The following DNAJC17 variants were observed in gnomAD, a reference collection of about 807,000 sequenced individuals.
DNAJC17 encodes DnaJ heat shock protein family (Hsp40) member C17, also known as dnaJ homolog subfamily C member 17.
A neutral mutation model predicts 48.1 loss-of-function variants in DNAJC17; 35 were observed. The ratio of observed to expected loss-of-function variants is 0.73; its 90% CI spans 0.56 to 0.96. The LOEUF is 0.96. Ranked by LOEUF, DNAJC17 falls within the 50% of genes least tolerant of loss-of-function variation. The probability of loss-of-function intolerance (pLI) is 0.00; values close to 1 mark genes in which losing one functional copy is unlikely to be tolerated. For synonymous variants in DNAJC17, 117 were observed against 142.7 expected, an observed-to-expected ratio of 0.82 and a Z score of 1.28; for missense variants, 355 against 377.1, an observed-to-expected ratio of 0.94 and a Z score of 0.48.
In DNAJC17 at chr15:40,769,736, GC is replaced by G. The variant is rs11316777; in HGVS notation, c.793-1675del. On this transcript the variant is annotated intron_variant, in intron 10 of 10. Coordinates refer to ENST00000220496, the MANE Select transcript of DNAJC17 (RefSeq NM_018163.3). This position sits in a 1 kb window ranked among gnomAD's most constrained non-coding sequence, Gnocchi z 4.2. ...AGACACTGTGGGCAGGGAGCCAGGC[GC>G]ACCTGCTGGGGGCCCAGGGTGGTGG... 0.025 allele frequency among the ~76,000 whole-genome samples: 3,772 copies of G among 152,270 alleles called. 151 individuals carry two copies. Among genetic ancestry groups the G allele is most frequent in the African/African-American group, 0.087 (3,612 of 41,536 alleles).
intron 1 of DNAJC17, among the ~76,000 whole-genome samples, chr15:40,796,187 T>C (rs1448647920): frequency 6.6e-6 from 1 of 152,212 alleles, no homozygotes; most frequent in Non-Finnish European, 1.5e-5. Context: ...ATTAAGCATC[T>C]ACCAAGGGCG....
intron 8 of DNAJC17, 144 bp downstream of exon 8, chr15:40,774,887 T>C: frequency 1.2e-6 from 1 of 824,304 alleles, no homozygotes; most frequent in Non-Finnish European, 1.9e-6. Flanking sequence ...GAGAAGTCTC[T>C]AAGACGTCCC....
chr15:40,805,656 C>T (rs886217571), intron 1 of DNAJC17, among the ~76,000 whole-genome samples: 2 of 151,400 alleles, frequency 1.3e-5, no homozygotes, highest in Admixed American at 6.6e-5. Flanking sequence ...CGGTGAAACC[C>T]CGTCTCTACT....
intron 4 of DNAJC17, among the ~76,000 whole-genome samples, chr15:40,778,792 C>T (rs371928045): frequency 2.6e-5 from 4 of 152,084 alleles, no homozygotes; most frequent in East Asian, 1.9e-4. Context: ...CAAAATTAGC[C>T]GGGCGTAGTG....
At chr15:40,776,726 C>T (rs1889338073) in intron 4 of DNAJC17, 99 bp from the exon 5 acceptor site, 13 of 1,188,206 alleles carry the variant, frequency 1.1e-5, no homozygotes, top group Admixed American at 8.7e-5. Flanking sequence ...GTCTCAATCA[C>T]GACGAGATCA....
At chr15:40,771,379 G>A (rs1889136367) in intron 10 of DNAJC17, 1 of 310,028 alleles carries the variant, frequency 3.2e-6, no homozygotes, top group Non-Finnish European at 6.4e-6. Flanking sequence ...GGCAGAGCCA[G>A]AAGGTGGCAC....
intron 1 of DNAJC17, 77 bp downstream of exon 1, chr15:40,807,292 C>A: frequency 6.2e-7 from 1 of 1,612,254 alleles, no homozygotes; most frequent in East Asian, 2.2e-5. Flanking sequence ...AGAGCGGATG[C>A]CAGCAGTGGC....
intron 7 of DNAJC17, 120 bp from the exon 8 acceptor site, chr15:40,775,228 C>G: frequency 9.1e-7 from 1 of 1,097,586 alleles, no homozygotes; most frequent in Non-Finnish European, 1.4e-6. Context: ...CTCCTGCAAT[C>G]TGGGGAGTGC....
At chr15:40,776,757 C>T in intron 4 of DNAJC17, 130 bp from the exon 5 acceptor site, 1 of 824,606 alleles carries the variant, frequency 1.2e-6, no homozygotes, top group Non-Finnish European at 2.0e-6. Flanking sequence ...CTGCCCCCTC[C>T]CTCCATGCCC....
In DNAJC17 at chr15:40,776,647, G is replaced by T; in HGVS notation, c.296-20C>A. ...CCAGGTCTAGACACAAGGGTTGAAT[G>T]ACCAGACTGCTGGTCTGTTCAGTTT... On this transcript the variant is annotated intron_variant, in intron 4 of 10. Coordinates refer to ENST00000220496, the MANE Select transcript of DNAJC17 (RefSeq NM_018163.3). The T allele has an allele frequency of 6.2e-7, 1 of 1,613,100 alleles. No individual in the cohort carries two copies. The highest frequency in any genetic ancestry group is 1.1e-5 in the South Asian group (1 of 91,010).
chr15:40,779,534 G>C lies in DNAJC17; in HGVS notation c.207+11C>G. The C allele has an allele frequency of 6.2e-7, 1 of 1,614,124 alleles. No homozygotes were observed. Among genetic ancestry groups the C allele is most frequent in the Non-Finnish European group, 8.5e-7 (1 of 1,180,000 alleles). On this transcript the variant is annotated intron_variant, in intron 3 of 10. Coordinates refer to ENST00000220496, the MANE Select transcript of DNAJC17 (RefSeq NM_018163.3). ...ATGGGGGACGATTCCGATGAAGGAG[G>C]CTGTGCTTACCCTGGCTGCAGCATC... is the stretch of plus-strand genomic sequence containing the variant.
rs1030506192 is a variant in DNAJC17, at chr15:40,767,119, G to A, written c.*821C>T. 3 of 1,207,394 alleles carry A rather than the reference G, an allele frequency of 2.5e-6. No homozygotes were observed. The highest frequency in any genetic ancestry group is 2.2e-5 in the South Asian group (1 of 45,896). 74.8% of individuals were successfully genotyped at this position (1,207,394 alleles called of 1,614,324 possible). A position where few individuals can be genotyped will look rare whatever the true frequency, so the allele number is the denominator to read the frequency against. ...CCAGCGCCCAGCAAGCAGCCAGCAAGTGTGAGTCACTACAAGAGTGGCCAG... is the reference window on the plus strand; with the variant it reads ...CCAGCGCCCAGCAAGCAGCCAGCAAATGTGAGTCACTACAAGAGTGGCCAG... On this transcript the variant is annotated 3_prime_UTR_variant, in exon 11 of 11. Coordinates refer to ENST00000220496, the MANE Select transcript of DNAJC17 (RefSeq NM_018163.3).
chr15:40,770,579 A>G lies in DNAJC17; in HGVS notation c.793-2517T>C. On this transcript the variant is annotated intron_variant, in intron 10 of 10. Transcript: ENST00000220496. This position sits in a 1 kb window ranked among gnomAD's most constrained non-coding sequence, Gnocchi z 5.0. ...TGGGGCGGCCACGGCGGCTCCGGCGACAGAGTAGTGTGCTTAGCCAGGCCA... is the reference window on the plus strand; with the variant it reads ...TGGGGCGGCCACGGCGGCTCCGGCGGCAGAGTAGTGTGCTTAGCCAGGCCA... The G allele has an allele frequency of 6.4e-7, 1 of 1,550,606 alleles. No individual in the cohort carries two copies. The highest frequency in any genetic ancestry group is 8.7e-7 in the Non-Finnish European group (1 of 1,146,954).
In DNAJC17 at chr15:40,779,997, C is replaced by T. The variant is rs1293090581; in HGVS notation, c.79G>A (p.Val27Ile). Residue 27 changes from valine to isoleucine, a missense_variant and splice_region_variant, in exon 2 of 11, where the codon GTA becomes ATA. Physicochemically the swap from Val to Ile is conservative, Grantham distance 29. Coordinates refer to ENST00000220496, the MANE Select transcript of DNAJC17 (RefSeq NM_018163.3). ...GCCTTCTGCCTATACGCCTTCTTTA[C>T]CTGGAAGAGTCAGACAGAAGACATG... ...GIEEKAADKE[V>I]KKAYRQKALS... The T allele has an allele frequency of 1.9e-6, 3 of 1,613,824 alleles. No individual in the cohort carries two copies.
chr15:40,766,185 A>G lies in DNAJC17; in HGVS notation c.*1755T>C, dbSNP rs965198292. ...GTCCGTTCCCTGGGTCTAGGACTCC[A>G]CTAGCAGACTGTTCCTTGCCCTGCC... is the stretch of plus-strand genomic sequence containing the variant. On this transcript the variant is annotated 3_prime_UTR_variant, in exon 11 of 11. Transcript: ENST00000220496. The G allele has an allele frequency of 1.7e-5, 5 of 292,974 alleles. No individual in the cohort carries two copies. The highest frequency in any genetic ancestry group is 3.2e-5 in the Non-Finnish European group (5 of 158,006). The allele number at this position is 292,974 out of a possible 1,614,324, so 18.1% of individuals were successfully genotyped here. A position where few individuals can be genotyped will look rare whatever the true frequency, so the allele number is the denominator to read the frequency against.
At chr15:40,794,285 G>A (rs983072020) in intron 1 of DNAJC17, among the ~76,000 whole-genome samples, 2 of 152,048 alleles carry the variant, frequency 1.3e-5, no homozygotes, top group African/African-American at 4.8e-5. Context: ...AGGAGGCAGA[G>A]GTTGCAGTGA....
At chr15:40,801,485 G>A (rs975092074) in intron 1 of DNAJC17, among the ~76,000 whole-genome samples, 4 of 152,058 alleles carry the variant, frequency 2.6e-5, no homozygotes, top group African/African-American at 7.2e-5. Flanking sequence ...GGCTGGGTGC[G>A]GTGGCTCACG....
chr15:40,807,243 C>A, intron 1 of DNAJC17, 126 bp downstream of exon 1: 1 of 1,572,284 alleles, frequency 6.4e-7, no homozygotes, highest in South Asian at 1.1e-5. Context: ...GGGCATAGCG[C>A]CGACCCTCGC....
At chr15:40,790,260 G>T (rs1239464401) in intron 1 of DNAJC17, among the ~76,000 whole-genome samples, 1 of 152,128 alleles carries the variant, frequency 6.6e-6, no homozygotes, top group East Asian at 1.9e-4. Context: ...CACGGAAAAA[G>T]TTCTCAAAGA....
Sources: allele counts gnomAD v4.1 joint callset (sites outside exome capture counted in the v4.1 genomes callset), GRCh38; gene constraint gnomAD v4.1.1; non-coding constraint Gnocchi (gnomAD v3.1); transcripts MANE v1.5; gene names NCBI Gene and HGNC (gene_info 2026-07-23, HGNC 2026-07-21).